SMAD6: variants seen among roughly 807,000 people sequenced by gnomAD.
SMAD6 encodes the protein MAD homolog 6.
A neutral mutation model predicts 39.4 loss-of-function variants in SMAD6; 103 were observed. The ratio of observed to expected loss-of-function variants is 2.62; its 90% CI spans 2.23 to 3.08. The LOEUF (loss-of-function observed/expected upper bound fraction) is 3.08, where lower values mean the gene tolerates loss of function less well. Ranked by LOEUF, SMAD6 falls within the 30% of genes most tolerant of loss-of-function variation. The pLI is 0.00. For missense variants in SMAD6, 1,104 were observed against 742.9 expected, an observed-to-expected ratio of 1.49 and a Z score of -5.65; for synonymous variants, 445 against 353.3, an observed-to-expected ratio of 1.26 and a Z score of -2.91.
chr15:66,737,495 G>A (rs1401643777), intron 3 of SMAD6, among the ~76,000 whole-genome samples: 1 of 152,150 alleles, frequency 6.6e-6, no homozygotes, highest in African/African-American at 2.4e-5. Flanking sequence ...TGCCTGGCAT[G>A]GTGTAGGCAC....
chr15:66,777,267 G>T (rs74744786), intron 3 of SMAD6, among the ~76,000 whole-genome samples: 5 of 152,162 alleles, frequency 3.3e-5, no homozygotes, highest in African/African-American at 1.2e-4. Flanking sequence ...TGCCCACCAC[G>T]CTTCAGTGCC....
chr15:66,738,250 C>G (rs1893748635), intron 3 of SMAD6, among the ~76,000 whole-genome samples: 1 of 152,180 alleles, frequency 6.6e-6, no homozygotes, highest in Admixed American at 6.5e-5. Flanking sequence ...GCCAGGCAAT[C>G]CCAGGACAGA....
At chr15:66,756,830 G>A (rs35085954) in intron 3 of SMAD6, among the ~76,000 whole-genome samples, 37,774 of 152,234 alleles carry the variant, frequency 0.25, 4,787 homozygotes, top group Middle Eastern at 0.32. Context: ...AGGTGAGGGT[G>A]GAGGATGGGA....
chr15:66,773,614 G>T (rs149936793), intron 3 of SMAD6, among the ~76,000 whole-genome samples: 170 of 152,230 alleles, frequency 1.1e-3, no homozygotes, highest in African/African-American at 3.9e-3. Flanking sequence ...ATTACTCCCA[G>T]GCCTGGGAGC....
chr15:66,748,039 G>T (rs546855697), intron 3 of SMAD6, among the ~76,000 whole-genome samples: 1 of 152,218 alleles, frequency 6.6e-6, no homozygotes, highest in African/African-American at 2.4e-5. Context: ...GCCTCCCTGG[G>T]CTCCATAAAT....
chr15:66,749,015 C>G (rs766086533), intron 3 of SMAD6, among the ~76,000 whole-genome samples: 1 of 151,906 alleles, frequency 6.6e-6, no homozygotes, highest in Non-Finnish European at 1.5e-5. Context: ...TTCTGTTGTG[C>G]CTTCTTGGTT....
Position 66,747,821 on chromosome 15 carries a change from G to A in SMAD6, c.952+31323G>A, listed in dbSNP as rs16950189. 8.5e-5 allele frequency among the ~76,000 whole-genome samples: 13 copies of A among 152,126 alleles called. No homozygotes were observed. The highest frequency in any genetic ancestry group is 2.7e-4 in the African/African-American group (11 of 41,422). On this transcript the variant is annotated intron_variant, in intron 3 of 3. Coordinates refer to ENST00000288840, the MANE Select transcript of SMAD6 (RefSeq NM_005585.5). The surrounding 1 kb of genome is among the most constrained non-coding windows in gnomAD (Gnocchi z 4.5). ...TTACTTATGCTCTGGCCACCATTTC[G>A]TCAGGACTGACAGCAGCCATCTGTC...
intron 3 of SMAD6, among the ~76,000 whole-genome samples, chr15:66,770,814 G>C (rs992433756): frequency 1.3e-5 from 2 of 152,130 alleles, no homozygotes; most frequent in Non-Finnish European, 1.5e-5. Flanking sequence ...GCCTGAGGGG[G>C]TTCCCTGCCT....
intron 2 of SMAD6, among the ~76,000 whole-genome samples, chr15:66,713,223 C>T (rs1893265042): frequency 6.6e-6 from 1 of 152,206 alleles, no homozygotes; most frequent in African/African-American, 2.4e-5. Flanking sequence ...AACGATGCTG[C>T]AACATTCCAC....
At chr15:66,750,961 C>A (rs1025202657) in intron 3 of SMAD6, among the ~76,000 whole-genome samples, 1 of 152,050 alleles carries the variant, frequency 6.6e-6, no homozygotes, top group Admixed American at 6.6e-5. Flanking sequence ...AGCAGAGCGC[C>A]GGCAGAGGTG....
intron 3 of SMAD6, among the ~76,000 whole-genome samples, chr15:66,726,364 G>T (rs1382153120): frequency 6.6e-6 from 1 of 152,158 alleles, no homozygotes; most frequent in East Asian, 1.9e-4. Context: ...GCACAGAGAG[G>T]CCAAGGCATC....
intron 3 of SMAD6, among the ~76,000 whole-genome samples, chr15:66,771,175 G>C (rs1455940481): frequency 6.6e-6 from 1 of 152,176 alleles, no homozygotes; most frequent in Non-Finnish European, 1.5e-5. Context: ...GGGGCCTCCG[G>C]TTTCATCCTC....
At chr15:66,763,759 T>C (rs1183828705) in intron 3 of SMAD6, among the ~76,000 whole-genome samples, 4 of 152,330 alleles carry the variant, frequency 2.6e-5, no homozygotes, top group East Asian at 3.9e-4. Flanking sequence ...TTGGTTTACC[T>C]ACTGCAGTTA....
rs1893927481 is a variant in SMAD6, at chr15:66,747,459, C to G, written c.952+30961C>G. On this transcript the variant is annotated intron_variant, in intron 3 of 3. Coordinates refer to ENST00000288840, the MANE Select transcript of SMAD6 (RefSeq NM_005585.5). This position sits in a 1 kb window ranked among gnomAD's most constrained non-coding sequence, Gnocchi z 4.5. ...GGCTGGTCTTTGTGGGCCCTGGCCC[C>G]CTTCTCTTCTGGGTGTTCCCTCAGG... Among the ~76,000 whole-genome samples, 1 of 152,248 alleles carries G rather than the reference C, an allele frequency of 6.6e-6. No homozygotes were observed. The highest frequency in any genetic ancestry group is 1.9e-4 in the East Asian group (1 of 5,194).
At chr15:66,716,208 AC>A (rs1176045766) in intron 2 of SMAD6, among the ~76,000 whole-genome samples, 1 of 152,160 alleles carries the variant, frequency 6.6e-6, no homozygotes, top group African/African-American at 2.4e-5. Flanking sequence ...CACAGTCAGC[AC>A]TTTCCAGAAG....
intron 3 of SMAD6, among the ~76,000 whole-genome samples, chr15:66,720,087 G>C (rs1454401878): frequency 6.6e-6 from 1 of 152,194 alleles, no homozygotes; most frequent in African/African-American, 2.4e-5. Flanking sequence ...GCTGTCACCT[G>C]ACTGTCCAAG....
chr15:66,779,448 G>A (rs1567115353), intron 3 of SMAD6, among the ~76,000 whole-genome samples: 1 of 152,182 alleles, frequency 6.6e-6, no homozygotes, highest in Non-Finnish European at 1.5e-5. Flanking sequence ...CCAGGACAAG[G>A]GGCACACTCA....
At chr15:66,760,236 C>G (rs1176145304) in intron 3 of SMAD6, among the ~76,000 whole-genome samples, 1 of 152,126 alleles carries the variant, frequency 6.6e-6, no homozygotes, top group Middle Eastern at 3.2e-3. Context: ...ACCCTTTCTT[C>G]CTGTTGGACT....
chr15:66,774,165 C>T (rs928455931), intron 3 of SMAD6, among the ~76,000 whole-genome samples: 1 of 152,166 alleles, frequency 6.6e-6, no homozygotes, highest in Non-Finnish European at 1.5e-5. Flanking sequence ...AAAAGGAAAG[C>T]GGGGAGCCGG....
Sources: allele counts gnomAD v4.1 joint callset (sites outside exome capture counted in the v4.1 genomes callset), GRCh38; gene constraint gnomAD v4.1.1; non-coding constraint Gnocchi (gnomAD v3.1); transcripts MANE v1.5; gene names NCBI Gene and HGNC (gene_info 2026-07-23, HGNC 2026-07-21).